Variants in RNF144A observed in about 807,000 individuals in gnomAD.
RNF144A encodes ring finger protein 144A.
In RNF144A, 11 loss-of-function variants were observed where a neutral mutation model predicts 38.7. That is an observed-to-expected ratio of 0.28 (90% confidence interval 0.18 to 0.47). RNF144A has a LOEUF of 0.47. RNF144A is among the 20% of genes least tolerant of loss of function. The probability of loss-of-function intolerance (pLI) is 0.99; values close to 1 mark genes in which losing one functional copy is unlikely to be tolerated. For missense variants in RNF144A, 316 were observed against 377.2 expected, an observed-to-expected ratio of 0.84 and a Z score of 1.34; for synonymous variants, 149 against 143.9, an observed-to-expected ratio of 1.04 and a Z score of -0.25.
chr2:6,933,313 G>A (rs1168957360), intron 1 of RNF144A: 3 of 152,218 alleles, frequency 2.0e-5, no homozygotes, highest in Non-Finnish European at 4.4e-5. Context: ...TCATTATGGA[G>A]AAGAGGGAGA....
chr2:6,951,174 T>C (rs768107448), intron 2 of RNF144A, among the ~76,000 whole-genome samples: 1 of 152,230 alleles, frequency 6.6e-6, no homozygotes, highest in African/African-American at 2.4e-5. Flanking sequence ...GTGGTTTTTA[T>C]TCATAAGGAA....
In RNF144A at chr2:7,042,696, G is replaced by A; in HGVS notation, c.*2936G>A. 1.0e-6 allele frequency: 1 copy of A among 985,488 alleles called. No homozygotes were observed. Among genetic ancestry groups the A allele is most frequent in the African/African-American group, 1.7e-5 (1 of 57,360 alleles). 61.0% of individuals were successfully genotyped at this position (985,488 alleles called of 1,614,324 possible). A position where few individuals can be genotyped will look rare whatever the true frequency, so the allele number is the denominator to read the frequency against. ...GAGCTTGCAGCCTCATAGGAGGTCA[G>A]CACCTTGCAAAGATGCAGTCACCAT... On this transcript the variant is annotated 3_prime_UTR_variant, in exon 9 of 9. Transcript: ENST00000320892.
At chr2:6,955,225 A>G (rs905936910) in intron 2 of RNF144A, among the ~76,000 whole-genome samples, 14 of 152,194 alleles carry the variant, frequency 9.2e-5, no homozygotes, top group African/African-American at 3.4e-4. Context: ...TTTGGGGAGT[A>G]GTTTTGTGGT....
At chr2:6,939,318 A>G (rs1665815098) in intron 1 of RNF144A, among the ~76,000 whole-genome samples, 1 of 152,086 alleles carries the variant, frequency 6.6e-6, no homozygotes, top group Admixed American at 6.5e-5. Flanking sequence ...TTCGATTTGC[A>G]TTTCCCTAAT....
intron 2 of RNF144A, among the ~76,000 whole-genome samples, chr2:6,990,435 C>G (rs1242264666): frequency 3.5e-5 from 2 of 56,924 alleles, no homozygotes; most frequent in Non-Finnish European, 6.8e-5. Context: ...CACACACACA[C>G]AGAGCTATAT....
At chr2:6,998,900 G>A (rs1258353724) in intron 3 of RNF144A, among the ~76,000 whole-genome samples, 1 of 152,138 alleles carries the variant, frequency 6.6e-6, no homozygotes, top group Non-Finnish European at 1.5e-5. Context: ...TGTGGGGGGT[G>A]GGGGCGGGGG....
intron 1 of RNF144A, among the ~76,000 whole-genome samples, chr2:6,939,199 C>T (rs1572223054): frequency 6.6e-6 from 1 of 152,318 alleles, no homozygotes; most frequent in South Asian, 2.1e-4. Flanking sequence ...ACATTCTCCC[C>T]AGCAATGTGT....
At chr2:7,010,039 C>G (rs775057611) in intron 3 of RNF144A, among the ~76,000 whole-genome samples, 9 of 152,204 alleles carry the variant, frequency 5.9e-5, no homozygotes, top group Non-Finnish European at 1.3e-4. Flanking sequence ...ATTAATAGTT[C>G]TTGTTTTCAA....
chr2:6,985,042 C>T lies in RNF144A; in HGVS notation c.-11-11874C>T, dbSNP rs367671146. Among the ~76,000 whole-genome samples the T allele has an allele frequency of 4.6e-5, 7 of 152,116 alleles. No homozygotes were observed. The East Asian group carries it at 5.8e-4, about 13-fold the overall frequency. Reference sequence around the variant, plus strand: ...CTCTCTTCTGTTCACTGACCAGTTACTAGAAAGCAAAGAGAAAATCAAAAT... The same window carrying T: ...CTCTCTTCTGTTCACTGACCAGTTATTAGAAAGCAAAGAGAAAATCAAAAT... On this transcript the variant is annotated intron_variant, in intron 2 of 8. Transcript: ENST00000320892.
chr2:7,044,878 T>C (rs1163828666), downstream of RNF144A, among the ~76,000 whole-genome samples: 2 of 152,236 alleles, frequency 1.3e-5, no homozygotes, highest in Non-Finnish European at 2.9e-5. Flanking sequence ...TGATTCATAG[T>C]GGGCACTGAA....
Position 7,043,515 on chromosome 2 carries a change from T to C in RNF144A, c.*3755T>C. The C allele has an allele frequency of 2.0e-6, 2 of 985,692 alleles. No individual in the cohort carries two copies. Among genetic ancestry groups the C allele is most frequent in the Non-Finnish European group, 2.4e-6 (2 of 829,786 alleles). 61.1% of individuals were successfully genotyped at this position (985,692 alleles called of 1,614,324 possible). A position where few individuals can be genotyped will look rare whatever the true frequency, so the allele number is the denominator to read the frequency against. ...ATCAAGGGAAAACATTTTGCATGTG[T>C]AAAGCTTCATGAAGTTCTCTTTAAA... On this transcript the variant is annotated 3_prime_UTR_variant, in exon 9 of 9. Coordinates refer to ENST00000320892, the MANE Select transcript of RNF144A (RefSeq NM_014746.6).
intron 2 of RNF144A, among the ~76,000 whole-genome samples, chr2:6,974,763 A>C (rs540184452): frequency 6.6e-6 from 1 of 152,324 alleles, no homozygotes; most frequent in Admixed American, 6.5e-5. Context: ...TTCAGGTTTT[A>C]AATTAAGAAG....
downstream of RNF144A, among the ~76,000 whole-genome samples, chr2:7,048,545 ACGTG>A (rs1558463966): frequency 6.6e-6 from 1 of 152,218 alleles, no homozygotes; most frequent in Non-Finnish European, 1.5e-5. Flanking sequence ...ACCCAAAGCC[ACGTG>A]AAGGTCAAGG....
chr2:6,984,457 C>G (rs1398164723), intron 2 of RNF144A, among the ~76,000 whole-genome samples: 1 of 152,120 alleles, frequency 6.6e-6, no homozygotes, highest in Non-Finnish European at 1.5e-5. Flanking sequence ...CTCCCGCCAC[C>G]ACATCCGCGC....
At chr2:6,927,213 T>C (rs982751640) in intron 1 of RNF144A, among the ~76,000 whole-genome samples, 3 of 152,120 alleles carry the variant, frequency 2.0e-5, no homozygotes, top group African/African-American at 7.2e-5. Context: ...CTGTCAACTG[T>C]GAAAGCCTGA....
At chr2:7,032,217 G>A (rs886817258) in intron 8 of RNF144A, among the ~76,000 whole-genome samples, 24 of 151,534 alleles carry the variant, frequency 1.6e-4, no homozygotes, top group African/African-American at 9.7e-5. Context: ...GCTGGAATCC[G>A]CGCCCCTTGC....
intron 3 of RNF144A, among the ~76,000 whole-genome samples, chr2:6,999,949 AG>A (rs1257950884): frequency 6.6e-6 from 1 of 152,262 alleles, no homozygotes; most frequent in Non-Finnish European, 1.5e-5. Flanking sequence ...CAGGTGCCCA[AG>A]AGCAGGAGGA....
At chr2:7,031,557 T>C (rs1453597614) in intron 8 of RNF144A, among the ~76,000 whole-genome samples, 2 of 152,212 alleles carry the variant, frequency 1.3e-5, no homozygotes, top group African/African-American at 4.8e-5. Flanking sequence ...GCACATTGGC[T>C]GCTGCTCCCT....
At chr2:7,002,568 G>C (rs1437749348) in intron 3 of RNF144A, among the ~76,000 whole-genome samples, 1 of 152,212 alleles carries the variant, frequency 6.6e-6, no homozygotes, top group East Asian at 1.9e-4. Flanking sequence ...TCCAGATTGA[G>C]AGGACTTTGC....
Sources: gnomAD v4.1 joint callset for allele counts (sites outside exome capture counted in the v4.1 genomes callset) on GRCh38, gnomAD v4.1.1 for gene constraint, MANE v1.5 for transcripts, NCBI Gene and HGNC (gene_info 2026-07-23, HGNC 2026-07-21) for gene names.